The following PPP2R1B variants were observed in gnomAD, a reference collection of about 807,000 sequenced individuals.
The protein encoded by PPP2R1B is serine/threonine-protein phosphatase 2A 65 kDa regulatory subunit A beta isoform.
In PPP2R1B, 58 loss-of-function variants were observed where a neutral mutation model predicts 72.7. That is an observed-to-expected ratio of 0.80 (90% CI 0.65 to 0.99). PPP2R1B has a LOEUF of 0.99. Ranked by LOEUF, PPP2R1B falls within the 50% of genes least tolerant of loss-of-function variation. PPP2R1B has a pLI of 0.00. For synonymous variants in PPP2R1B, 256 were observed against 264.6 expected (o/e 0.97, Z 0.32); for missense variants, 695 against 733.6 (o/e 0.95, Z 0.61).
In PPP2R1B at chr11:111,741,612, A is replaced by G; in HGVS notation, c.1790T>C (p.Val597Ala). 6.2e-7 allele frequency: 1 copy of G among 1,613,284 alleles called. No individual in the cohort carries two copies. The highest frequency in any genetic ancestry group is 8.5e-7 in the Non-Finnish European group (1 of 1,179,828). ...VKYFAQEAIS[V>A]LALA is the part of the protein sequence containing the mutation. ...TGCTCCTCATTATGCCAATGCAAGAACTGGAAAATTCCAAACAAAATCAGG... is the reference window on the plus strand; with the variant it reads ...TGCTCCTCATTATGCCAATGCAAGAGCTGGAAAATTCCAAACAAAATCAGG... Residue 597 changes from valine to alanine, a missense_variant and splice_region_variant, in exon 15 of 15, where the codon GTT becomes GCT. Transcript: ENST00000527614.
At chr11:111,721,749 T>A in the PPP2R1B span, 12 of 1,078,738 alleles carry the variant, frequency 1.1e-5, no homozygotes, top group African/African-American at 3.1e-5. Flanking sequence ...CTATTGGACA[T>A]TGCAAAGGTG....
chr11:111,723,485 T>G, downstream of PPP2R1B: 1 of 1,580,662 alleles, frequency 6.3e-7, no homozygotes, highest in South Asian at 1.2e-5. Context: ...CCTTTGATAT[T>G]ACCAATTTAG....
intron 4 of PPP2R1B, among the ~76,000 whole-genome samples, chr11:111,760,243 A>G (rs542029768): frequency 4.6e-5 from 7 of 152,290 alleles, no homozygotes; most frequent in South Asian, 2.1e-4. Flanking sequence ...GACCCTATCT[A>G]TATGCCAAAA....
In PPP2R1B at chr11:111,738,414, G is replaced by A; in HGVS notation, c.*3182C>T. 1 of 985,512 alleles carries A rather than the reference G, an allele frequency of 1.0e-6. No homozygotes were observed. The highest frequency in any genetic ancestry group is 1.2e-6 in the Non-Finnish European group (1 of 829,966). The allele number at this position is 985,512 out of a possible 1,614,324, so 61.0% of individuals were successfully genotyped here. On this transcript the variant is annotated 3_prime_UTR_variant, in exon 15 of 15. Transcript: ENST00000527614. ...ATGTGACGTCTAAGGGCAAGCCCCA[G>A]CCTTTCAGTTTAGTGACAACACAAC...
downstream of PPP2R1B, chr11:111,726,638 G>A: frequency 3.3e-6 from 1 of 305,874 alleles, no homozygotes; most frequent in African/African-American, 2.1e-5. Context: ...AGCCCTGTCT[G>A]ATCACCTGTG....
chr11:111,756,078 C>T (rs1179916103), intron 5 of PPP2R1B, among the ~76,000 whole-genome samples: 1 of 151,820 alleles, frequency 6.6e-6, no homozygotes, highest in Admixed American at 6.6e-5. Flanking sequence ...GGCGTGGTGG[C>T]GGGTGCCTGT....
chr11:111,751,971 C>G (rs1301342596), intron 10 of PPP2R1B, among the ~76,000 whole-genome samples, 188 bp downstream of exon 10: 12 of 152,104 alleles, frequency 7.9e-5, no homozygotes, highest in Non-Finnish European at 2.9e-5. Flanking sequence ...CAGTGAAACT[C>G]CATCTTAAAA....
chr11:111,741,910 A>C (rs1396686833), intron 14 of PPP2R1B, 143 bp downstream of exon 14: 4 of 840,908 alleles, frequency 4.8e-6, no homozygotes, highest in Non-Finnish European at 8.1e-6. Context: ...CTAATCAGAG[A>C]GACACCAGCA....
At chr11:111,702,550 G>C in the PPP2R1B span, among the ~76,000 whole-genome samples, 1 of 152,202 alleles carries the variant, frequency 6.6e-6, no homozygotes, top group Non-Finnish European at 1.5e-5. Flanking sequence ...TCCTGGGCAA[G>C]AGACTGAGAC....
rs1944515030 is a variant in PPP2R1B at position 111,741,428 on chromosome 11, T to C, written c.*168A>G. The C allele has an allele frequency of 5.6e-6, 8 of 1,423,942 alleles. No individual in the cohort carries two copies. Among genetic ancestry groups the C allele is most frequent in the Admixed American group, 3.3e-5 (1 of 30,716 alleles). The allele number at this position is 1,423,942 out of a possible 1,614,324, so 88.2% of individuals were successfully genotyped here. A position where few individuals can be genotyped will look rare whatever the true frequency, so the allele number is the denominator to read the frequency against. ...GGAAGACGAGTAAAAAACAATCCCA[T>C]TTCATCTTTAGAAAGAATTAAGTCA... On this transcript the variant is annotated 3_prime_UTR_variant, in exon 15 of 15. Transcript: ENST00000527614.
downstream of PPP2R1B, chr11:111,723,981 C>T (rs772900316): frequency 2.5e-5 from 40 of 1,614,058 alleles, no homozygotes; most frequent in Admixed American, 2.5e-4. Flanking sequence ...AGCGACCTAA[C>T]GGGGCCAGAC....
chr11:111,765,826 G>A (rs1555052890), intron 1 of PPP2R1B: 2 of 474,894 alleles, frequency 4.2e-6, no homozygotes, highest in Non-Finnish European at 8.3e-6. Flanking sequence ...TCCAAGCCGA[G>A]ATGAAGGGAT....
At chr11:111,746,984 C>G (rs968476898) in intron 11 of PPP2R1B, among the ~76,000 whole-genome samples, 1 of 152,132 alleles carries the variant, frequency 6.6e-6, no homozygotes, top group Non-Finnish European at 1.5e-5. Context: ...ACAAAACCAC[C>G]CACACGTATA....
At chr11:111,715,639 G>T in the PPP2R1B span, among the ~76,000 whole-genome samples, 2 of 152,104 alleles carry the variant, frequency 1.3e-5, no homozygotes, top group East Asian at 1.9e-4. Context: ...GTTGGATCAG[G>T]TGTTCCAAAC....
rs782405883 is a variant in PPP2R1B, at chr11:111,755,049, G to C, written c.889C>G (p.Pro297Ala). 8.1e-6 allele frequency: 13 copies of C among 1,613,954 alleles called. No homozygotes were observed. The Admixed American group carries it at 1.8e-4, about 23-fold the overall frequency. Residue 297 changes from proline (P) to alanine (A), a missense_variant, in exon 7 of 15, where the codon CCC becomes GCC. Coordinates refer to ENST00000527614, the MANE Select transcript of PPP2R1B (RefSeq NM_002716.5). ...TCTTTAAGTAGGTTCTGAAAGGCGG[G>C]GATGAGGTCATTTAGGGTGATTTTA... ...GPKITLNDLI[P>A]AFQNLLKDCE...
downstream of PPP2R1B, chr11:111,737,300 C>A: frequency 8.3e-7 from 1 of 1,203,144 alleles, no homozygotes; most frequent in South Asian, 1.5e-5. Context: ...CATCTACTCC[C>A]GGCCCTTAAA....
At chr11:111,714,773 T>A in the PPP2R1B span, among the ~76,000 whole-genome samples, 1 of 152,128 alleles carries the variant, frequency 6.6e-6, no homozygotes, top group African/African-American at 2.4e-5. Context: ...CACAAGCCAG[T>A]GTTGACCGAA....
chr11:111,707,827 T>G, the PPP2R1B span, among the ~76,000 whole-genome samples: 2 of 152,212 alleles, frequency 1.3e-5, no homozygotes, highest in African/African-American at 4.8e-5. Context: ...TGTGGAATCA[T>G]GCAGACCTTG....
chr11:111,748,216 C>T (rs1001279744), intron 10 of PPP2R1B, among the ~76,000 whole-genome samples: 5 of 152,116 alleles, frequency 3.3e-5, no homozygotes, highest in African/African-American at 4.8e-5. Context: ...AAAAAGCATA[C>T]GTGAGCTGGC....
Sources: allele counts gnomAD v4.1 joint callset (sites outside exome capture counted in the v4.1 genomes callset), GRCh38; gene constraint gnomAD v4.1.1; transcripts MANE v1.5; gene names NCBI Gene and HGNC (gene_info 2026-07-23, HGNC 2026-07-21).